Variants in C14orf93 observed in about 807,000 individuals in gnomAD.
The protein encoded by C14orf93 is chromosome 14 open reading frame 93.
A neutral mutation model predicts 44.0 loss-of-function variants in C14orf93; 23 were observed. The ratio of observed to expected loss-of-function variants is 0.52; its 90% confidence interval spans 0.38 to 0.74. C14orf93 has a LOEUF of 0.74. Among genes scored for constraint, C14orf93 ranks in the 30% least tolerant of loss-of-function variants. The pLI is 0.00. For missense variants in C14orf93, 579 were observed against 678.9 expected (o/e 0.85, Z 1.64); for synonymous variants, 253 against 265.7 (o/e 0.95, Z 0.46).
chr14:22,993,240 T>C (rs2045772556), intron 3 of C14orf93, among the ~76,000 whole-genome samples: 1 of 152,242 alleles, frequency 6.6e-6, no homozygotes, highest in African/African-American at 2.4e-5. Context: ...TGTATTTTCA[T>C]CCCAAGCTCC....
intron 3 of C14orf93, among the ~76,000 whole-genome samples, chr14:22,991,187 T>A (rs548599926): frequency 6.0e-5 from 9 of 151,114 alleles, no homozygotes; most frequent in Non-Finnish European, 1.2e-4. Flanking sequence ...TTTTTCTTTC[T>A]GAGACAGAGT....
chr14:22,998,714 T>C lies in C14orf93; in HGVS notation c.310A>G (p.Lys104Glu). Residue 104 changes from lysine to glutamate, a missense_variant, in exon 2 of 7, where the codon AAA becomes GAA. By Grantham distance (56) the Lys-to-Glu change is moderately conservative (BLOSUM62 1). Coordinates refer to ENST00000299088, the MANE Select transcript of C14orf93 (RefSeq NM_021944.4). The part of the protein sequence containing the change: ...QEEVGDLRQG[K>E]VSIPDEDGES... ...CCATCTTCATCAGGGATGGACACTT[T>C]CCCTTGCCTCAGGTCACCCACTTCC... 6.2e-7 allele frequency: 1 copy of C among 1,614,180 alleles called. No homozygotes were observed. Among genetic ancestry groups the C allele is most frequent in the Non-Finnish European group, 8.5e-7 (1 of 1,180,038 alleles).
intron 5 of C14orf93, 22 bp downstream of exon 5, chr14:22,989,720 G>C: frequency 6.6e-7 from 1 of 1,510,876 alleles, no homozygotes; most frequent in Non-Finnish European, 9.2e-7. Flanking sequence ...GATGGCATAG[G>C]AGTTAAACCA....
At chr14:22,991,854 G>T (rs999257310) in intron 3 of C14orf93, among the ~76,000 whole-genome samples, 1 of 152,192 alleles carries the variant, frequency 6.6e-6, no homozygotes, top group Non-Finnish European at 1.5e-5. Flanking sequence ...ACAGGCATGA[G>T]CCACCGTGCC....
Position 22,999,047 on chromosome 14 carries a change from C to T in C14orf93, c.-24G>A, listed in dbSNP as rs999570264. ...ATGGCGGATGGGGCAGTAACAACCA[C>T]GCTTACACTGCTGGGCCGCTCCAAC... On this transcript the variant is annotated 5_prime_UTR_variant, in exon 2 of 7. The change creates a new upstream start codon in the 5' untranslated region. Transcript: ENST00000299088. 2 of 1,585,142 alleles carry T rather than the reference C, an allele frequency of 1.3e-6. No individual in the cohort carries two copies. The highest frequency in any genetic ancestry group is 1.7e-6 in the Non-Finnish European group (2 of 1,168,374).
chr14:22,998,226 T>A, intron 2 of C14orf93: 1 of 745,482 alleles, frequency 1.3e-6, no homozygotes. Flanking sequence ...CAGCAAAAAA[T>A]GACCTTCTGC....
At position 22,999,319 on chromosome 14, in the gene C14orf93, G is replaced by C. The variant is rs76836068; in HGVS notation, c.-296C>G. On this transcript the variant is annotated 5_prime_UTR_variant, in exon 2 of 7. Transcript: ENST00000299088. Reference sequence around the variant, plus strand: ...GATGAACGGTTTCAGACGGTAGAGAGCATTCCTTCTGCCCCCCAGCATGGA... The same window carrying C: ...GATGAACGGTTTCAGACGGTAGAGACCATTCCTTCTGCCCCCCAGCATGGA... 3.0e-5 allele frequency: 8 copies of C among 270,102 alleles called. No individual in the cohort carries two copies. Among genetic ancestry groups the C allele is most frequent in the Non-Finnish European group, 4.9e-5 (7 of 143,144 alleles). The allele number at this position is 270,102 out of a possible 1,614,324, so 16.7% of individuals were successfully genotyped here. A position where few individuals can be genotyped will look rare whatever the true frequency, so the allele number is the denominator to read the frequency against.
chr14:22,987,627 G>C lies in C14orf93; in HGVS notation c.1205C>G (p.Ala402Gly). 1 of 1,584,570 alleles carries C rather than the reference G, an allele frequency of 6.3e-7. No individual in the cohort carries two copies. Among genetic ancestry groups the C allele is most frequent in the Non-Finnish European group, 8.6e-7 (1 of 1,165,684 alleles). ...KLRSRRYRLF[A>G]NRSSIMRHFG... ...ATGCCTCATGATACTGGATCGGTTG[G>C]CAAAAAGCTAAGGCAGGAACCCAGG... The change falls in exon 7 of 7, where the codon GCC becomes GGC. Residue 402 changes from alanine (A) to glycine (G), a missense_variant. Transcript: ENST00000299088. The surrounding 1 kb of genome is among the most constrained non-coding windows in gnomAD (Gnocchi z 5.6).
chr14:22,990,616 C>T (rs183801483), intron 3 of C14orf93, among the ~76,000 whole-genome samples: 20 of 151,618 alleles, frequency 1.3e-4, no homozygotes, highest in Non-Finnish European at 2.5e-4. Flanking sequence ...AGTACGGGCA[C>T]CTGCCATCAT....
At chr14:22,995,851 A>C in intron 3 of C14orf93, 97 bp downstream of exon 3, 1 of 1,151,704 alleles carries the variant, frequency 8.7e-7, no homozygotes, top group Non-Finnish European at 1.2e-6. Flanking sequence ...TCAGTACAGC[A>C]TTCATTCAAT....
In C14orf93 at chr14:22,987,669, T is replaced by G. The variant is rs189782587; in HGVS notation, c.1198-35A>C. On this transcript the variant is annotated intron_variant, in intron 6 of 6. Coordinates refer to ENST00000299088, the MANE Select transcript of C14orf93 (RefSeq NM_021944.4). This position sits in a 1 kb window ranked among gnomAD's most constrained non-coding sequence, Gnocchi z 5.6. ...GAACCCAGGAGATAGATTAGGAAGG[T>G]AAACATTCTATGGATTAGATTTGGG... is the stretch of plus-strand genomic sequence containing the variant. 2 of 1,535,730 alleles carry G rather than the reference T, an allele frequency of 1.3e-6. No individual in the cohort carries two copies. Among genetic ancestry groups the G allele is most frequent in the African/African-American group, 2.8e-5 (2 of 72,580 alleles).
chr14:23,003,856 T>TTATATATATA (rs2046432797), intron 1 of C14orf93, among the ~76,000 whole-genome samples: 1 of 43,276 alleles, frequency 2.3e-5, no homozygotes, highest in Non-Finnish European at 4.2e-5. Context: ...GCTAATATAT[T>TTATATATATA]CATATATATA....
At position 22,998,545 on chromosome 14, in the gene C14orf93, C is replaced by T. The variant is rs898194929; in HGVS notation, c.479G>A (p.Arg160Gln). 16 of 1,613,718 alleles carry T rather than the reference C, an allele frequency of 9.9e-6. No homozygotes were observed. Among genetic ancestry groups the T allele is most frequent in the Admixed American group, 3.3e-5 (2 of 59,988 alleles). The change falls in exon 2 of 7, where the codon CGG (arginine) becomes CAG (glutamine). Residue 160 changes from arginine to glutamine, a missense_variant. Coordinates refer to ENST00000299088, the MANE Select transcript of C14orf93 (RefSeq NM_021944.4). Reference protein sequence around the residue: ...SGVQVVIEELRQLGAASVGPG... With the variant: ...SGVQVVIEELQQLGAASVGPG... ...CCCCACTGAGGCTGCTCCCAGCTGC[C>T]GCAGCTCCTCAATCACCACCTGCAC... is the stretch of plus-strand genomic sequence containing the variant.
At chr14:23,004,094 G>A (rs12895294) in intron 1 of C14orf93, among the ~76,000 whole-genome samples, 1 of 148,420 alleles carries the variant, frequency 6.7e-6, no homozygotes, top group African/African-American at 2.5e-5. Context: ...ATTTGTAGTA[G>A]AGATAGGGTT....
At chr14:23,004,100 G>A (rs1310133146) in intron 1 of C14orf93, among the ~76,000 whole-genome samples, 1 of 149,124 alleles carries the variant, frequency 6.7e-6, no homozygotes, top group Non-Finnish European at 1.5e-5. Flanking sequence ...AGTAGAGATA[G>A]GGTTTCACCA....
intron 2 of C14orf93, among the ~76,000 whole-genome samples, chr14:22,997,366 C>T (rs1221839630): frequency 1.3e-5 from 2 of 152,154 alleles, no homozygotes; most frequent in Admixed American, 1.3e-4. Context: ...TCATCCCTCC[C>T]ATCTACTCCA....
At chr14:23,002,280 A>G (rs1266477873) in intron 1 of C14orf93, among the ~76,000 whole-genome samples, 1 of 151,622 alleles carries the variant, frequency 6.6e-6, no homozygotes, top group African/African-American at 2.4e-5. Flanking sequence ...GTGAAACCCT[A>G]TCTCTACTAA....
chr14:22,998,561 C>T lies in C14orf93; in HGVS notation c.463G>A (p.Val155Met). The change falls in exon 2 of 7, where the codon GTG becomes ATG. Residue 155 changes from valine to methionine, a missense_variant. Coordinates refer to ENST00000299088, the MANE Select transcript of C14orf93 (RefSeq NM_021944.4). ...CCCAGCTGCCGCAGCTCCTCAATCA[C>T]CACCTGCACGCCGCTGCCCACGCTG... is the stretch of plus-strand genomic sequence containing the variant. Reference protein sequence around the residue: ...CDSVGSGVQVVIEELRQLGAA... With the variant: ...CDSVGSGVQVMIEELRQLGAA... 6.2e-7 allele frequency: 1 copy of T among 1,614,044 alleles called. No homozygotes were observed. Among genetic ancestry groups the T allele is most frequent in the East Asian group, 2.2e-5 (1 of 44,836 alleles).
intron 3 of C14orf93, 104 bp downstream of exon 3, chr14:22,995,844 G>A (rs2045940324): frequency 2.0e-5 from 22 of 1,125,156 alleles, no homozygotes; most frequent in Non-Finnish European, 2.7e-5. Flanking sequence ...GTAGGATTCA[G>A]TACAGCATTC....
Sources: gnomAD v4.1 joint callset for allele counts (sites outside exome capture counted in the v4.1 genomes callset) on GRCh38, gnomAD v4.1.1 for gene constraint, Gnocchi (gnomAD v3.1) non-coding constraint, MANE v1.5 for transcripts, NCBI Gene and HGNC (gene_info 2026-07-23, HGNC 2026-07-21) for gene names.